The following RGS17 variants were observed in gnomAD, a reference collection of about 807,000 sequenced individuals.
RGS17 encodes regulator of G-protein signaling 17.
In RGS17, 12 loss-of-function variants were observed where a neutral mutation model predicts 25.5. The ratio of observed to expected loss-of-function variants is 0.47; its 90% CI spans 0.30 to 0.76. RGS17 has a LOEUF of 0.76. Ranked by LOEUF, RGS17 falls within the 30% of genes least tolerant of loss-of-function variation. RGS17 has a pLI of 0.07. For synonymous variants in RGS17, 71 were observed against 76.9 expected (o/e 0.92, Z 0.40); for missense variants, 196 against 242.2 (o/e 0.81, Z 1.27).
chr6:153,104,826 A>AAAAAAAAAAAAG (rs1777355625), intron 1 of RGS17, among the ~76,000 whole-genome samples: 1 of 150,746 alleles, frequency 6.6e-6, no homozygotes, highest in African/African-American at 2.4e-5. Context: ...CTTGTCTCAA[A>AAAAAAAAAAAAG]AAAAAAAAAA....
At chr6:153,012,076 A>C (rs1187930542) in intron 4 of RGS17, among the ~76,000 whole-genome samples, 1 of 152,226 alleles carries the variant, frequency 6.6e-6, no homozygotes, top group African/African-American at 2.4e-5. Flanking sequence ...GAGATACCAG[A>C]AATTTCCTAG....
At chr6:153,096,335 C>T (rs1777211689) in intron 1 of RGS17, among the ~76,000 whole-genome samples, 1 of 152,220 alleles carries the variant, frequency 6.6e-6, no homozygotes, top group Non-Finnish European at 1.5e-5. Flanking sequence ...GTTATTTAGC[C>T]TCTCTGGGCT....
chr6:153,035,019 T>TGG (rs1776220793), intron 2 of RGS17, among the ~76,000 whole-genome samples: 1 of 151,900 alleles, frequency 6.6e-6, no homozygotes, highest in Admixed American at 6.6e-5. Flanking sequence ...CCAGGTGTGG[T>TGG]GGTGCATGCC....
chr6:153,053,413 G>A (rs987270500), intron 1 of RGS17, among the ~76,000 whole-genome samples: 3 of 152,162 alleles, frequency 2.0e-5, no homozygotes, highest in East Asian at 3.9e-4. Flanking sequence ...GGAAGATAAC[G>A]ATCAGGCTGT....
At position 153,009,654 on chromosome 6, in the gene RGS17, T is replaced by C. The variant is rs1287860286; in HGVS notation, c.*1920A>G. 2 of 152,034 alleles carry C rather than the reference T, an allele frequency of 1.3e-5. No individual in the cohort carries two copies. Among genetic ancestry groups the C allele is most frequent in the African/African-American group, 4.8e-5 (2 of 41,452 alleles). 9.4% of individuals were successfully genotyped at this position (152,034 alleles called of 1,614,324 possible). ...GGCATTTGTTAAAAGAAATGATTATTATAAATATTTTCTATCTTGCATTTT... is the reference window on the plus strand; with the variant it reads ...GGCATTTGTTAAAAGAAATGATTATCATAAATATTTTCTATCTTGCATTTT... On this transcript the variant is annotated 3_prime_UTR_variant, in exon 5 of 5. Coordinates refer to ENST00000206262, the MANE Select transcript of RGS17 (RefSeq NM_012419.5).
intron 2 of RGS17, among the ~76,000 whole-genome samples, chr6:153,040,030 T>C (rs866457323): frequency 5.9e-5 from 9 of 152,364 alleles, no homozygotes; most frequent in Middle Eastern, 3.4e-3. Context: ...CACCCTAGCT[T>C]GGTCCCATGA....
chr6:153,073,312 C>A (rs1475446476), intron 1 of RGS17, among the ~76,000 whole-genome samples: 3 of 152,174 alleles, frequency 2.0e-5, no homozygotes, highest in Non-Finnish European at 4.4e-5. Flanking sequence ...GTCTTTTCCT[C>A]CAAATGGGCT....
intron 1 of RGS17, among the ~76,000 whole-genome samples, chr6:153,051,968 G>A (rs999833299): frequency 6.6e-6 from 1 of 152,144 alleles, no homozygotes; most frequent in Admixed American, 6.5e-5. Flanking sequence ...ATTTTACAGG[G>A]AAGACCATAA....
chr6:153,053,992 A>AT (rs1776506465), intron 1 of RGS17, among the ~76,000 whole-genome samples: 12 of 30,894 alleles, frequency 3.9e-4, no homozygotes, highest in Middle Eastern at 0.02. Flanking sequence ...TATGTATATA[A>AT]TATATATACA....
chr6:153,014,481 C>A (rs987492576), intron 4 of RGS17, among the ~76,000 whole-genome samples: 6 of 152,150 alleles, frequency 3.9e-5, no homozygotes, highest in African/African-American at 1.4e-4. Flanking sequence ...GAAGTAATTT[C>A]AACTCACAAG....
intron 1 of RGS17, among the ~76,000 whole-genome samples, chr6:153,068,086 G>A (rs1460436112): frequency 6.6e-6 from 1 of 152,076 alleles, no homozygotes; most frequent in Non-Finnish European, 1.5e-5. Context: ...AAATGGTGCT[G>A]GAAAAACTGG....
At chr6:153,050,340 A>G (rs118045557) in intron 1 of RGS17, among the ~76,000 whole-genome samples, 2,017 of 152,288 alleles carry the variant, frequency 0.013, 12 homozygotes, top group Non-Finnish European at 0.021. Context: ...ATAGAGAATC[A>G]TACTGGAAGA....
chr6:153,012,780 T>TA (rs1335012121), intron 4 of RGS17, among the ~76,000 whole-genome samples: 2 of 152,376 alleles, frequency 1.3e-5, no homozygotes, highest in Admixed American at 1.3e-4. Context: ...TATTTATATT[T>TA]AAACATGTTG....
intron 1 of RGS17, among the ~76,000 whole-genome samples, chr6:153,117,387 G>A (rs977965575): frequency 3.9e-5 from 6 of 152,128 alleles, no homozygotes; most frequent in Non-Finnish European, 8.8e-5. Flanking sequence ...AACACGTGGG[G>A]ATTATGGGAA....
chr6:153,026,070 C>T (rs749893175), intron 3 of RGS17, among the ~76,000 whole-genome samples: 124 of 152,164 alleles, frequency 8.1e-4, no homozygotes, highest in Admixed American at 3.1e-3. Context: ...TCGCTGGGTG[C>T]CCTTCCTCAC....
chr6:153,062,284 C>T (rs1475200207), intron 1 of RGS17, among the ~76,000 whole-genome samples: 2 of 152,156 alleles, frequency 1.3e-5, no homozygotes, highest in East Asian at 3.9e-4. Flanking sequence ...TCCTCCCTAC[C>T]CCCAGCAGTG....
chr6:153,052,197 G>A (rs935298106), intron 1 of RGS17, among the ~76,000 whole-genome samples: 1 of 152,102 alleles, frequency 6.6e-6, no homozygotes, highest in East Asian at 1.9e-4. Context: ...CCCTGGGATT[G>A]AGATCCCAAT....
intron 1 of RGS17, among the ~76,000 whole-genome samples, chr6:153,117,047 CATGT>C (rs763766686): frequency 6.6e-6 from 1 of 152,014 alleles, no homozygotes; most frequent in Non-Finnish European, 1.5e-5. Context: ...ATGTTCTGCA[CATGT>C]ATCCCAGGAC....
At chr6:153,026,747 T>A (rs184387285) in intron 2 of RGS17, among the ~76,000 whole-genome samples, 1 of 152,204 alleles carries the variant, frequency 6.6e-6, no homozygotes, top group Non-Finnish European at 1.5e-5. Context: ...TAAAATTATA[T>A]AGTAAATCAG....
Sources: gnomAD v4.1 joint callset for allele counts (sites outside exome capture counted in the v4.1 genomes callset) on GRCh38, gnomAD v4.1.1 for gene constraint, MANE v1.5 for transcripts, NCBI Gene and HGNC (gene_info 2026-07-23, HGNC 2026-07-21) for gene names.